The following PREX1 variants were observed in gnomAD, a reference collection of about 807,000 sequenced individuals.
PREX1 encodes phosphatidylinositol 3,4,5-trisphosphate-dependent Rac exchanger 1 protein.
A neutral mutation model predicts 198.3 loss-of-function variants in PREX1; 41 were observed. That is an observed-to-expected ratio of 0.21 (90% CI 0.16 to 0.27). PREX1 has a LOEUF of 0.27. PREX1 is among the 10% of genes least tolerant of loss of function. PREX1 has a pLI of 1.00. For missense variants in PREX1, 1,620 were observed against 2,200.7 expected (o/e 0.74, Z 5.28); for synonymous variants, 843 against 887.2 (o/e 0.95, Z 0.89).
chr20:48,734,832 T>C (rs2090050058), intron 3 of PREX1, among the ~76,000 whole-genome samples, 182 bp from the exon 4 acceptor site: 2 of 152,176 alleles, frequency 1.3e-5, no homozygotes, highest in East Asian at 3.9e-4. Context: ...GCCTCCACTC[T>C]TGCCCCAGGT....
chr20:48,747,783 A>C (rs780682293), intron 2 of PREX1, 26 bp downstream of exon 2: 1 of 1,597,500 alleles, frequency 6.3e-7, no homozygotes, highest in East Asian at 2.2e-5. Flanking sequence ...ATGCTCTAGA[A>C]CAGGGGCCAG....
chr20:48,655,185 A>G (rs2089532599), intron 19 of PREX1, 105 bp downstream of exon 19: 1 of 1,162,208 alleles, frequency 8.6e-7, no homozygotes, highest in Admixed American at 3.0e-5. Flanking sequence ...CTGATGGTAC[A>G]TTGTCTGGCA....
intron 14 of PREX1, among the ~76,000 whole-genome samples, chr20:48,668,880 G>A (rs912108756): frequency 1.3e-5 from 2 of 152,118 alleles, no homozygotes; most frequent in African/African-American, 4.8e-5. Context: ...CTCTGCAGAT[G>A]GGAGGCCCGG....
chr20:48,696,215 G>A (rs183159871), intron 7 of PREX1, among the ~76,000 whole-genome samples: 10 of 152,316 alleles, frequency 6.6e-5, no homozygotes, highest in African/African-American at 2.4e-4. Flanking sequence ...TCTTGTAGAA[G>A]TGTTATTGTT....
At chr20:48,628,018 G>C in intron 37 of PREX1, 55 bp from the exon 38 acceptor site, 48 of 975,096 alleles carry the variant, frequency 4.9e-5, no homozygotes, top group Non-Finnish European at 6.9e-5. Context: ...GGGGTCGGGG[G>C]AGGACAGCGG....
At chr20:48,644,297 A>G (rs2089435494) in intron 27 of PREX1, 112 bp downstream of exon 27, 2 of 929,838 alleles carry the variant, frequency 2.2e-6, no homozygotes, top group Admixed American at 2.3e-5. Context: ...GGACCATGCA[A>G]TAAAACACAA....
chr20:48,680,166 C>T (rs1436616520), intron 11 of PREX1, among the ~76,000 whole-genome samples: 2 of 152,194 alleles, frequency 1.3e-5, no homozygotes, highest in African/African-American at 4.8e-5. Flanking sequence ...CTGAGATTTA[C>T]GGAGCCATCT....
chr20:48,738,689 A>G (rs112160213), intron 3 of PREX1, among the ~76,000 whole-genome samples: 70 of 152,104 alleles, frequency 4.6e-4, no homozygotes, highest in African/African-American at 1.7e-3. Context: ...TTGGGGGGAG[A>G]AGGGGACAGC....
chr20:48,773,592 A>G (rs534931718), intron 1 of PREX1, among the ~76,000 whole-genome samples: 1 of 152,344 alleles, frequency 6.6e-6, no homozygotes, highest in South Asian at 2.1e-4. Context: ...AGACTGTTCC[A>G]GACAGCAGGA....
chr20:48,700,441 A>C (rs186485679), intron 7 of PREX1, among the ~76,000 whole-genome samples: 85 of 152,356 alleles, frequency 5.6e-4, no homozygotes, highest in Middle Eastern at 3.4e-3. Context: ...TCTCTTTAAT[A>C]ATTTTTTTAA....
chr20:48,712,031 T>TAAGCCAC (rs1278443658), intron 5 of PREX1, among the ~76,000 whole-genome samples: 1 of 152,218 alleles, frequency 6.6e-6, no homozygotes, highest in African/African-American at 2.4e-5. Flanking sequence ...AGACGTTGTT[T>TAAGCCAC]AAGCCACTCT....
intron 3 of PREX1, among the ~76,000 whole-genome samples, chr20:48,743,132 T>C (rs1471436952): frequency 1.3e-5 from 2 of 152,142 alleles, no homozygotes; most frequent in Non-Finnish European, 2.9e-5. Context: ...GGAATTGTCG[T>C]TACCCCCACT....
At chr20:48,643,740 C>G (rs112175867) in intron 27 of PREX1, among the ~76,000 whole-genome samples, 3,193 of 152,202 alleles carry the variant, frequency 0.021, 117 homozygotes, top group African/African-American at 0.074. Context: ...GTGGCATGAT[C>G]TGAGTCCACT....
chr20:48,658,243 C>T lies in PREX1; in HGVS notation c.1882-15G>A, dbSNP rs557202329. 1 of 1,613,110 alleles carries T rather than the reference C, an allele frequency of 6.2e-7. No individual in the cohort carries two copies. Among genetic ancestry groups the T allele is most frequent in the Non-Finnish European group, 8.5e-7 (1 of 1,179,410 alleles). On this transcript the variant is annotated splice_polypyrimidine_tract_variant and intron_variant, in intron 16 of 39. Coordinates refer to ENST00000371941, the MANE Select transcript of PREX1 (RefSeq NM_020820.4). ...TGGGGCAGGATCTGGGGGCCCAGGG[C>T]AGAAGGAACCCGGTCAGGGAGCGAG...
chr20:48,700,021 G>A lies in PREX1; in HGVS notation c.917+732C>T, dbSNP rs117150472. On this transcript the variant is annotated intron_variant, in intron 7 of 39. Transcript: ENST00000371941. ...CCCCCAGCCATCTGCGCCTCATCCC[G>A]TGTGCCCACACAACCCGTCACCACA... is the stretch of plus-strand genomic sequence containing the variant. Among the ~76,000 whole-genome samples the A allele has an allele frequency of 9.4e-4, 143 of 151,966 alleles. 2 individuals carry two copies. In the East Asian group the frequency reaches 0.017, roughly 18 times the overall value.
At chr20:48,656,435 G>A (rs775266093) in intron 18 of PREX1, 19 of 454,106 alleles carry the variant, frequency 4.2e-5, no homozygotes, top group Middle Eastern at 3.2e-4. Context: ...GCTGGACCCC[G>A]TTACCCTACA....
At chr20:48,870,686 G>A in the PREX1 span, among the ~76,000 whole-genome samples, 6 of 152,188 alleles carry the variant, frequency 3.9e-5, no homozygotes, top group South Asian at 4.1e-4. Flanking sequence ...AGTGGCTCAC[G>A]CCTGTAATCC....
chr20:48,636,798 C>T, intron 31 of PREX1, 115 bp from the exon 32 acceptor site: 2 of 861,084 alleles, frequency 2.3e-6, no homozygotes, highest in East Asian at 2.7e-5. Flanking sequence ...AAAGGGCTAA[C>T]ATCAGGCCAG....
intron 1 of PREX1, among the ~76,000 whole-genome samples, chr20:48,801,638 C>T (rs1189300899): frequency 6.6e-6 from 1 of 152,222 alleles, no homozygotes; most frequent in Non-Finnish European, 1.5e-5. Context: ...CCACGTCTCT[C>T]CCCGGGGCTG....
Sources: gnomAD v4.1 joint callset for allele counts (sites outside exome capture counted in the v4.1 genomes callset) on GRCh38, gnomAD v4.1.1 for gene constraint, MANE v1.5 for transcripts, NCBI Gene and HGNC (gene_info 2026-07-23, HGNC 2026-07-21) for gene names.